LDAH: variants seen among roughly 807,000 people sequenced by gnomAD.
LDAH encodes the protein lipid droplet associated hydrolase.
A neutral mutation model predicts 29.6 loss-of-function variants in LDAH; 26 were observed. The ratio of observed to expected loss-of-function variants is 0.88; its 90% confidence interval spans 0.64 to 1.22. LDAH has a LOEUF of 1.22. Ranked by LOEUF, LDAH falls within the 50% of genes most tolerant of loss-of-function variation. The pLI, the probability that LDAH is intolerant of heterozygous loss-of-function variation, is 0.00. For missense variants in LDAH, 344 were observed against 387.3 expected, an observed-to-expected ratio of 0.89 and a Z score of 0.94; for synonymous variants, 117 against 133.0, an observed-to-expected ratio of 0.88 and a Z score of 0.83.
At chr2:20,725,638 T>C (rs953518330) in intron 5 of LDAH, among the ~76,000 whole-genome samples, 2 of 152,244 alleles carry the variant, frequency 1.3e-5, no homozygotes, top group African/African-American at 4.8e-5. Context: ...TTCATTTCCC[T>C]TGATTGACTC....
At chr2:20,794,818 T>C (rs1245016409) in intron 2 of LDAH, among the ~76,000 whole-genome samples, 2 of 152,184 alleles carry the variant, frequency 1.3e-5, no homozygotes, top group Non-Finnish European at 2.9e-5. Context: ...ATTGGGTACA[T>C]GGCACTCACA....
At chr2:20,820,675 T>C in intron 1 of LDAH, among the ~76,000 whole-genome samples, 1 of 143,876 alleles carries the variant, frequency 7.0e-6, no homozygotes, top group Non-Finnish European at 1.5e-5. Flanking sequence ...GAAGAAAACC[T>C]AGGCAATACC....
chr2:20,788,009 A>G (rs1572632235), intron 3 of LDAH, among the ~76,000 whole-genome samples: 1 of 152,330 alleles, frequency 6.6e-6, no homozygotes, highest in Admixed American at 6.5e-5. Flanking sequence ...AAAATGTTTA[A>G]GCATAATTAA....
At chr2:20,718,160 A>C (rs1425842467) in intron 5 of LDAH, among the ~76,000 whole-genome samples, 6 of 152,200 alleles carry the variant, frequency 3.9e-5, no homozygotes, top group Non-Finnish European at 8.8e-5. Flanking sequence ...TTAAGTCCTT[A>C]CCTATCAATA....
Position 20,812,224 on chromosome 2 carries a change from C to A in LDAH, c.-2-10759G>T, listed in dbSNP as rs369798348. Among the ~76,000 whole-genome samples, 204 of 152,322 alleles carry A rather than the reference C, an allele frequency of 1.3e-3. 3 individuals are homozygous for A. In the South Asian group the frequency reaches 0.037, roughly 28 times the overall value. On this transcript the variant is annotated intron_variant, in intron 1 of 6. Coordinates refer to ENST00000237822, the MANE Select transcript of LDAH (RefSeq NM_021925.4). ...CAAAGTAGACATACAGTTTCTCCAG[C>A]AGCTTCTTAAAGAAATTCTCTATTT... is the stretch of plus-strand genomic sequence containing the variant.
intron 3 of LDAH, among the ~76,000 whole-genome samples, chr2:20,776,734 A>G (rs920569171): frequency 6.6e-6 from 1 of 152,154 alleles, no homozygotes; most frequent in African/African-American, 2.4e-5. Flanking sequence ...TGAAGAGTTT[A>G]TACCTTGCTT....
chr2:20,756,263 G>C (rs558536512), intron 4 of LDAH, among the ~76,000 whole-genome samples: 1 of 152,176 alleles, frequency 6.6e-6, no homozygotes. Context: ...TCGAACTCCT[G>C]ACCTCAGGTG....
intron 5 of LDAH, among the ~76,000 whole-genome samples, chr2:20,709,844 C>T (rs1413608861): frequency 1.3e-5 from 2 of 152,112 alleles, no homozygotes; most frequent in African/African-American, 4.8e-5. Flanking sequence ...CTGGCACATG[C>T]TAAACCATGA....
chr2:20,698,800 TA>T lies in LDAH; in HGVS notation c.786+2769del, dbSNP rs1663697321. Among the ~76,000 whole-genome samples, 1 of 152,214 alleles carries T rather than the reference TA, an allele frequency of 6.6e-6. No individual in the cohort carries two copies. The highest frequency in any genetic ancestry group is 1.5e-5 in the Non-Finnish European group (1 of 68,036). On this transcript the variant is annotated intron_variant, in intron 6 of 6. Coordinates refer to ENST00000237822, the MANE Select transcript of LDAH (RefSeq NM_021925.4). The surrounding 1 kb of genome is among the most constrained non-coding windows in gnomAD (Gnocchi z 4.4). ...GGAAAGAAAAATTATTTTAATAAAA[TA>T]AATTACTTTATGTCCAATACTGTGT...
chr2:20,683,593 AG>A (rs1662373994), downstream of LDAH, among the ~76,000 whole-genome samples: 1 of 152,264 alleles, frequency 6.6e-6, no homozygotes, highest in Non-Finnish European at 1.5e-5. Context: ...GAATGGGCTG[AG>A]GCCAGAAAGC....
At chr2:20,780,665 G>A (rs1055060738) in intron 3 of LDAH, among the ~76,000 whole-genome samples, 3 of 152,142 alleles carry the variant, frequency 2.0e-5, no homozygotes, top group Non-Finnish European at 2.9e-5. Context: ...AGAGAGGAGC[G>A]CACAATCTGG....
chr2:20,756,757 A>G (rs1355862622), intron 4 of LDAH, among the ~76,000 whole-genome samples: 2 of 152,218 alleles, frequency 1.3e-5, no homozygotes, highest in East Asian at 3.8e-4. Context: ...ACAAATAATG[A>G]GAAAACAAGT....
intron 2 of LDAH, among the ~76,000 whole-genome samples, chr2:20,795,886 G>T (rs1408068522): frequency 6.6e-6 from 1 of 151,254 alleles, no homozygotes; most frequent in Non-Finnish European, 1.5e-5. Context: ...CACAATCCTT[G>T]AAATACTGTT....
chr2:20,718,749 A>G, intron 5 of LDAH, among the ~76,000 whole-genome samples: 1 of 152,170 alleles, frequency 6.6e-6, no homozygotes, highest in Non-Finnish European at 1.5e-5. Flanking sequence ...TCTCCAGCAT[A>G]GGGCATATGT....
At chr2:20,720,097 G>C (rs895817453) in intron 5 of LDAH, among the ~76,000 whole-genome samples, 2 of 152,058 alleles carry the variant, frequency 1.3e-5, no homozygotes, top group Non-Finnish European at 2.9e-5. Context: ...CATAGTATTA[G>C]AAGTCCTAGA....
At chr2:20,777,309 T>C (rs191018148) in intron 3 of LDAH, among the ~76,000 whole-genome samples, 1 of 152,322 alleles carries the variant, frequency 6.6e-6, no homozygotes, top group Admixed American at 6.5e-5. Context: ...ATTCAGTAGA[T>C]TTTCAAGAAC....
chr2:20,707,236 C>T (rs1664373455), intron 5 of LDAH, among the ~76,000 whole-genome samples: 1 of 152,140 alleles, frequency 6.6e-6, no homozygotes, highest in Non-Finnish European at 1.5e-5. Context: ...TTCATACCAG[C>T]CAATCCTAAC....
intron 1 of LDAH, among the ~76,000 whole-genome samples, chr2:20,815,993 G>C (rs1214992902): frequency 6.6e-6 from 1 of 151,964 alleles, no homozygotes; most frequent in South Asian, 2.1e-4. Flanking sequence ...ATTTTAAAAA[G>C]GGAAAAGGAG....
chr2:20,742,037 A>T (rs1667216471), intron 4 of LDAH, among the ~76,000 whole-genome samples: 1 of 152,124 alleles, frequency 6.6e-6, no homozygotes, highest in African/African-American at 2.4e-5. Context: ...ATTTAGTTCA[A>T]AATTATTTCT....
Sources: gnomAD v4.1 joint callset for allele counts (sites outside exome capture counted in the v4.1 genomes callset) on GRCh38, gnomAD v4.1.1 for gene constraint, Gnocchi (gnomAD v3.1) non-coding constraint, MANE v1.5 for transcripts, NCBI Gene and HGNC (gene_info 2026-07-23, HGNC 2026-07-21) for gene names.